The following EMC2 variants were observed in gnomAD, a reference collection of about 807,000 sequenced individuals.
The protein encoded by EMC2 is TPR repeat protein 35.
Under a neutral mutation model 51.6 loss-of-function variants are expected in EMC2, and 37 were observed. The ratio of observed to expected loss-of-function variants is 0.72; its 90% CI spans 0.55 to 0.94. EMC2 has a LOEUF of 0.94. EMC2 is among the 40% of genes least tolerant of loss of function. The probability of loss-of-function intolerance (pLI) is 0.00; values close to 1 mark genes in which losing one functional copy is unlikely to be tolerated. For missense variants in EMC2, 359 were observed against 350.9 expected, an observed-to-expected ratio of 1.02 and a Z score of -0.18; for synonymous variants, 131 against 112.4, an observed-to-expected ratio of 1.17 and a Z score of -1.04.
At chr8:108,476,632 T>C (rs1810951744) in intron 8 of EMC2, 150 bp from the exon 9 acceptor site, 1 of 446,464 alleles carries the variant, frequency 2.2e-6, no homozygotes, top group Non-Finnish European at 4.0e-6. Context: ...AGATTAGCTT[T>C]AAAAACCTTT....
chr8:108,479,328 C>G (rs1399074971), intron 10 of EMC2, among the ~76,000 whole-genome samples: 2 of 152,014 alleles, frequency 1.3e-5, no homozygotes, highest in Non-Finnish European at 2.9e-5. Flanking sequence ...ATTAGCCTTA[C>G]CATATGGAAA....
intron 10 of EMC2, among the ~76,000 whole-genome samples, chr8:108,480,737 CCCTGTTCAGTTTGGT>C (rs1811031230): frequency 6.6e-6 from 1 of 152,102 alleles, no homozygotes; most frequent in African/African-American, 2.4e-5. Context: ...GGTGTTTCTG[CCCTGTTCAGTTTGGT>C]TTCAGTTTTT....
intron 5 of EMC2, among the ~76,000 whole-genome samples, chr8:108,468,641 T>C (rs1810787095): frequency 6.6e-6 from 1 of 152,176 alleles, no homozygotes; most frequent in South Asian, 2.1e-4. Flanking sequence ...AATGAGTAGC[T>C]CTTGATACTG....
chr8:108,447,500 T>A (rs1307163508), intron 1 of EMC2, among the ~76,000 whole-genome samples: 1 of 152,158 alleles, frequency 6.6e-6, no homozygotes, highest in Admixed American at 6.5e-5. Flanking sequence ...TGTAAATGAA[T>A]CTGTAAGTGG....
chr8:108,485,269 G>A (rs1268398790), intron 10 of EMC2, among the ~76,000 whole-genome samples: 3 of 151,332 alleles, frequency 2.0e-5, no homozygotes, highest in Non-Finnish European at 3.0e-5. Flanking sequence ...AGTACTAAGT[G>A]CTTAAGACAG....
chr8:108,446,999 T>C (rs1423835349), intron 1 of EMC2, among the ~76,000 whole-genome samples: 2 of 152,168 alleles, frequency 1.3e-5, no homozygotes, highest in East Asian at 3.8e-4. Context: ...AGACTGCCGT[T>C]CTTAGAAGTT....
intron 7 of EMC2, among the ~76,000 whole-genome samples, chr8:108,473,094 G>T (rs1810886348): frequency 6.6e-6 from 1 of 151,958 alleles, no homozygotes; most frequent in Non-Finnish European, 1.5e-5. Context: ...GAGAAAAAGG[G>T]ATATAGAATT....
At chr8:108,449,397 T>A (rs1818962064) in intron 1 of EMC2, among the ~76,000 whole-genome samples, 1 of 152,034 alleles carries the variant, frequency 6.6e-6, no homozygotes, top group African/African-American at 2.4e-5. Context: ...CTCAGCCTCC[T>A]GAGTAGCTGG....
At chr8:108,444,168 C>T (rs994748082) in intron 1 of EMC2, among the ~76,000 whole-genome samples, 2 of 152,248 alleles carry the variant, frequency 1.3e-5, no homozygotes, top group African/African-American at 2.4e-5. Context: ...ATGTGATTCT[C>T]ATATGCCACT....
At chr8:108,444,239 C>T (rs945860940) in intron 1 of EMC2, among the ~76,000 whole-genome samples, 1 of 152,186 alleles carries the variant, frequency 6.6e-6, no homozygotes, top group Non-Finnish European at 1.5e-5. Flanking sequence ...AGTCTAGTCT[C>T]TGTCCCACTC....
chr8:108,478,988 GTTT>G lies in EMC2; in HGVS notation c.703-15_703-13del. The G allele has an allele frequency of 2.7e-6, 4 of 1,484,526 alleles. No individual in the cohort carries two copies. The highest frequency in any genetic ancestry group is 3.6e-6 in the Non-Finnish European group (4 of 1,102,606). The allele number at this position is 1,484,526 out of a possible 1,614,324, so 92.0% of individuals were successfully genotyped here. A position where few individuals can be genotyped will look rare whatever the true frequency, so the allele number is the denominator to read the frequency against. On this transcript the variant is annotated splice_polypyrimidine_tract_variant and intron_variant, in intron 9 of 10. Transcript: ENST00000220853. ...GCAAAAAAGGAATTTTGCTTTTGAT[GTTT>G]TTATTTGTTTTTAGTCGGCAAGTCA...
intron 9 of EMC2, among the ~76,000 whole-genome samples, chr8:108,477,451 CATATAT>C (rs1810967325): frequency 6.6e-6 from 1 of 151,890 alleles, no homozygotes; most frequent in South Asian, 2.1e-4. Context: ...ACCTTTAAAA[CATATAT>C]ATAAAGTGAG....
intron 5 of EMC2, among the ~76,000 whole-genome samples, chr8:108,461,887 C>T (rs1209968230): frequency 1.3e-5 from 2 of 152,196 alleles, no homozygotes; most frequent in East Asian, 3.9e-4. Flanking sequence ...TGGCTCACTG[C>T]AACCTCCGCC....
At chr8:108,465,686 T>C (rs1437640115) in intron 5 of EMC2, among the ~76,000 whole-genome samples, 1 of 152,214 alleles carries the variant, frequency 6.6e-6, no homozygotes, top group Non-Finnish European at 1.5e-5. Context: ...GAACATCGAT[T>C]AAGGCTGCAG....
chr8:108,470,187 T>C (rs997383759), intron 7 of EMC2, 66 bp downstream of exon 7: 1 of 1,105,944 alleles, frequency 9.0e-7, no homozygotes. Flanking sequence ...CAGAAAGCAC[T>C]GTGGTTTCCA....
intron 5 of EMC2, among the ~76,000 whole-genome samples, chr8:108,461,742 A>T (rs1221032440): frequency 6.6e-6 from 1 of 152,160 alleles, no homozygotes; most frequent in East Asian, 1.9e-4. Context: ...ACATGTTAAA[A>T]ATTGTGGACA....
At chr8:108,468,520 ATT>A (rs1254473671) in intron 5 of EMC2, among the ~76,000 whole-genome samples, 2 of 151,946 alleles carry the variant, frequency 1.3e-5, no homozygotes, top group Non-Finnish European at 1.5e-5. Context: ...TCATTTTTTA[ATT>A]ACCCAAAATA....
At position 108,455,346 on chromosome 8, in the gene EMC2, A is replaced by G. The variant is rs1819124761; in HGVS notation, c.306-527A>G. 1.3e-5 allele frequency among the ~76,000 whole-genome samples: 2 copies of G among 152,128 alleles called. 1 individual carries two copies. Among genetic ancestry groups the G allele is most frequent in the Admixed American group, 1.3e-4 (2 of 15,276 alleles). ...CCAATCTACTGATAAGCCCAAGCCC[A>G]TCAAAGGCATTCATCATTTCTTTTG... On this transcript the variant is annotated intron_variant, in intron 4 of 10. Coordinates refer to ENST00000220853, the MANE Select transcript of EMC2 (RefSeq NM_014673.5).
intron 3 of EMC2, 29 bp from the exon 4 acceptor site, chr8:108,453,033 T>G (rs1313604235): frequency 7.5e-7 from 1 of 1,324,820 alleles, no homozygotes; most frequent in Non-Finnish European, 1.1e-6. Flanking sequence ...ATAAATAATG[T>G]AATTACTACT....
Sources: gnomAD v4.1 joint callset for allele counts (sites outside exome capture counted in the v4.1 genomes callset) on GRCh38, gnomAD v4.1.1 for gene constraint, MANE v1.5 for transcripts, NCBI Gene and HGNC (gene_info 2026-07-23, HGNC 2026-07-21) for gene names.